EDIL3: variants seen among roughly 807,000 people sequenced by gnomAD.
EDIL3 encodes the protein EGF-like repeat and discoidin I-like domain-containing protein 3.
In EDIL3, 37 loss-of-function variants were observed where a neutral mutation model predicts 67.4. The ratio of observed to expected loss-of-function variants is 0.55; its 90% CI spans 0.42 to 0.72. EDIL3 has a LOEUF of 0.72. Ranked by LOEUF, EDIL3 falls within the 30% of genes least tolerant of loss-of-function variation. EDIL3 has a pLI of 0.00. For missense variants in EDIL3, 527 were observed against 586.3 expected (o/e 0.90, Z 1.04); for synonymous variants, 195 against 196.3 (o/e 0.99, Z 0.05).
At chr5:84,370,759 T>A (rs990476608) in intron 1 of EDIL3, among the ~76,000 whole-genome samples, 16 of 152,268 alleles carry the variant, frequency 1.1e-4, no homozygotes, top group African/African-American at 3.9e-4. Context: ...TACTAAAGTA[T>A]TTATTGCTTT....
chr5:84,371,474 G>A (rs1344797550), intron 1 of EDIL3, among the ~76,000 whole-genome samples: 33 of 144,494 alleles, frequency 2.3e-4, no homozygotes, highest in African/African-American at 8.4e-4. Flanking sequence ...GAGAGAGAGA[G>A]AGAAAGAGAG....
intron 1 of EDIL3, among the ~76,000 whole-genome samples, chr5:84,305,098 G>A (rs1166845871): frequency 6.6e-6 from 1 of 152,170 alleles, no homozygotes; most frequent in Non-Finnish European, 1.5e-5. Flanking sequence ...TTCGGTATAA[G>A]AAGGTAAATA....
At chr5:84,124,688 CA>C (rs35142512) in intron 5 of EDIL3, among the ~76,000 whole-genome samples, 3 of 150,090 alleles carry the variant, frequency 2.0e-5, no homozygotes, top group Admixed American at 6.6e-5. Context: ...ACCCAAGGAA[CA>C]AAAAAAAATA....
intron 3 of EDIL3, among the ~76,000 whole-genome samples, chr5:84,220,474 G>C (rs1370418864): frequency 6.6e-6 from 1 of 151,960 alleles, no homozygotes; most frequent in Non-Finnish European, 1.5e-5. Flanking sequence ...ACATTTTCAG[G>C]GTCTCATAGA....
intron 9 of EDIL3, among the ~76,000 whole-genome samples, chr5:84,019,235 A>G (rs377401520): frequency 3.9e-5 from 6 of 152,080 alleles, no homozygotes; most frequent in African/African-American, 7.2e-5. Context: ...ATGAATTCAT[A>G]TCCTTTGTAG....
chr5:84,133,042 C>A (rs1337398403), intron 5 of EDIL3, among the ~76,000 whole-genome samples: 1 of 151,924 alleles, frequency 6.6e-6, no homozygotes, highest in African/African-American at 2.4e-5. Context: ...GAGTGGCATT[C>A]CTGAAATTTA....
At chr5:84,143,001 A>G (rs1054828031) in intron 4 of EDIL3, among the ~76,000 whole-genome samples, 18 of 151,972 alleles carry the variant, frequency 1.2e-4, no homozygotes, top group African/African-American at 4.3e-4. Context: ...TGGGCTCCCC[A>G]TTAGCTATTA....
rs1439447224 is a variant in EDIL3, at chr5:84,152,063, G to A, written c.356-14709C>T. On this transcript the variant is annotated intron_variant, in intron 4 of 10. Coordinates refer to ENST00000296591, the MANE Select transcript of EDIL3 (RefSeq NM_005711.5). ...GCCTCCAGAGTAGCTGGGATTACAA[G>A]CATGAGCCACCATGCCCAGCTAATT... is the stretch of plus-strand genomic sequence containing the variant. Among the ~76,000 whole-genome samples, 4 of 152,132 alleles carry A rather than the reference G, an allele frequency of 2.6e-5. No homozygotes were observed. In the East Asian group the frequency reaches 7.8e-4, roughly 30 times the overall value.
chr5:84,101,902 T>C (rs982580654), intron 6 of EDIL3, among the ~76,000 whole-genome samples: 8 of 151,936 alleles, frequency 5.3e-5, no homozygotes, highest in South Asian at 2.1e-4. Flanking sequence ...TTGATGAATA[T>C]CAATTCAAAA....
intron 1 of EDIL3, among the ~76,000 whole-genome samples, chr5:84,356,967 C>T (rs62360118): frequency 0.02 from 2,812 of 140,200 alleles, 43 homozygotes; most frequent in Middle Eastern, 0.062. Flanking sequence ...TCTCCTTGCC[C>T]AGGCTGGAGT....
chr5:84,001,947 CA>C (rs1745338657), intron 9 of EDIL3, among the ~76,000 whole-genome samples: 1 of 150,748 alleles, frequency 6.6e-6, no homozygotes, highest in Admixed American at 6.6e-5. Context: ...AAAGACACAT[CA>C]AAAAAATAAA....
intron 1 of EDIL3, among the ~76,000 whole-genome samples, chr5:84,307,877 G>A (rs1746304446): frequency 6.6e-6 from 1 of 152,142 alleles, no homozygotes; most frequent in African/African-American, 2.4e-5. Context: ...GCAAATTTGG[G>A]TTTGAAAATA....
intron 1 of EDIL3, among the ~76,000 whole-genome samples, chr5:84,313,047 A>G (rs931754396): frequency 6.6e-6 from 1 of 152,214 alleles, no homozygotes; most frequent in Non-Finnish European, 1.5e-5. Context: ...TACTAATAGA[A>G]ATGGTCTGGA....
intron 9 of EDIL3, among the ~76,000 whole-genome samples, chr5:84,023,223 A>G (rs1459411193): frequency 1.3e-5 from 2 of 152,034 alleles, no homozygotes; most frequent in African/African-American, 4.8e-5. Flanking sequence ...TATATCTTGA[A>G]TAGATACAAT....
chr5:84,109,973 A>T (rs1000843217), intron 5 of EDIL3, among the ~76,000 whole-genome samples: 12 of 152,358 alleles, frequency 7.9e-5, no homozygotes, highest in Admixed American at 4.6e-4. Context: ...TGCTGAAAAA[A>T]TAATGAGCTT....
At chr5:84,246,896 A>G (rs1166990516) in intron 2 of EDIL3, among the ~76,000 whole-genome samples, 1 of 152,198 alleles carries the variant, frequency 6.6e-6, no homozygotes, top group African/African-American at 2.4e-5. Flanking sequence ...CACATATAAA[A>G]TATAATTACT....
rs562589275 is a variant in EDIL3, at chr5:84,317,297, C to G, written c.68-63085G>C. On this transcript the variant is annotated intron_variant, in intron 1 of 10. Coordinates refer to ENST00000296591, the MANE Select transcript of EDIL3 (RefSeq NM_005711.5). The stretch of plus-strand genomic sequence containing the variant: ...GAAGGAGATAGAGACACAAAAAACC[C>G]TTCAACAAATCAATGAATCCAGGAG... Among the ~76,000 whole-genome samples the G allele has an allele frequency of 3.9e-5, 6 of 152,056 alleles. No individual in the cohort carries two copies. In the South Asian group the frequency reaches 1.0e-3, roughly 26 times the overall value.
At chr5:84,301,005 C>T (rs993621716) in intron 1 of EDIL3, among the ~76,000 whole-genome samples, 11 of 152,232 alleles carry the variant, frequency 7.2e-5, no homozygotes, top group African/African-American at 2.4e-4. Context: ...CGCAGTGGCT[C>T]ACGCCTGTAA....
intron 9 of EDIL3, among the ~76,000 whole-genome samples, chr5:84,034,204 A>G (rs1745976780): frequency 6.6e-6 from 1 of 152,240 alleles, no homozygotes; most frequent in African/African-American, 2.4e-5. Context: ...GCAGGTGCAT[A>G]ATTACACTTG....
Sources: gnomAD v4.1 joint callset for allele counts (sites outside exome capture counted in the v4.1 genomes callset) on GRCh38, gnomAD v4.1.1 for gene constraint, MANE v1.5 for transcripts, NCBI Gene and HGNC (gene_info 2026-07-23, HGNC 2026-07-21) for gene names.